CYP11A1: variants seen among roughly 807,000 people sequenced by gnomAD.
CYP11A1 encodes the protein cytochrome P450 family 11 subfamily A member 1.
CYP11A1 carries 25 observed loss-of-function variants against 51.9 expected under a neutral mutation model. That is an observed-to-expected ratio of 0.48 (90% CI 0.35 to 0.67). The LOEUF (loss-of-function observed/expected upper bound fraction) is 0.67. Among genes scored for constraint, CYP11A1 ranks in the 30% least tolerant of loss-of-function variants. CYP11A1 has a pLI of 0.00. For synonymous variants in CYP11A1, 245 were observed against 262.1 expected (o/e 0.93, Z 0.63); for missense variants, 578 against 680.9 (o/e 0.85, Z 1.68).
At position 74,367,427 on chromosome 15, in the gene CYP11A1, A is replaced by G. The variant is rs1046047588; in HGVS notation, c.159T>C (p.Ser53=). 33 of 1,614,224 alleles carry G rather than the reference A, an allele frequency of 2.0e-5. No individual in the cohort carries two copies. The highest frequency in any genetic ancestry group is 2.8e-5 in the Non-Finnish European group (33 of 1,180,040). The change falls in exon 1 of 9, where the codon TCT becomes TCC. Residue 53 remains serine (S), a synonymous_variant. Transcript: ENST00000268053. ...RSPRPFNEIP[S]PGDNGWLNLY... The stretch of plus-strand genomic sequence containing the variant: ...GGTTTAGCCAGCCATTGTCACCAGG[A>G]GAGGGGATCTCATTGAAGGGGCGAG...
chr15:74,352,879 CT>C (rs946004611), intron 1 of CYP11A1, among the ~76,000 whole-genome samples: 1 of 152,156 alleles, frequency 6.6e-6, no homozygotes, highest in African/African-American at 2.4e-5. Flanking sequence ...TTTAGGTAAA[CT>C]TTTTGTGTAA....
Position 74,348,283 on chromosome 15 carries a change from T to G in CYP11A1, c.270-228A>C, listed in dbSNP as rs938533214. 3.2e-5 allele frequency: 18 copies of G among 569,298 alleles called. No homozygotes were observed. The African/African-American group carries it at 3.2e-4, about 10-fold the overall frequency. The allele number at this position is 569,298 out of a possible 1,614,324, so 35.3% of individuals were successfully genotyped here. ...CAATAGGAAGTATATGGATGTGACC[T>G]TTGTTAAACATTCTACAAGTGAGAG... On this transcript the variant is annotated intron_variant, in intron 1 of 8. Coordinates refer to ENST00000268053, the MANE Select transcript of CYP11A1 (RefSeq NM_000781.3).
In CYP11A1 at chr15:74,339,297, C is replaced by T; in HGVS notation, c.1176G>A (p.Val392=). The T allele has an allele frequency of 6.2e-7, 1 of 1,614,196 alleles. No individual in the cohort carries two copies. The highest frequency in any genetic ancestry group is 8.5e-7 in the Non-Finnish European group (1 of 1,180,022). The change falls in exon 7 of 9, where the codon GTG becomes GTA. Residue 392 remains valine, a synonymous_variant. Coordinates refer to ENST00000268053, the MANE Select transcript of CYP11A1 (RefSeq NM_000781.3). ...KETLRLHPIS[V]TLQRYLVNDL... ...CATTTACAAGATATCTCTGCAGGGT[C>T]ACGGAGATGGGGTGAAGTCTGCGGG...
At chr15:74,338,311 T>C in intron 8 of CYP11A1, 1 of 711,008 alleles carries the variant, frequency 1.4e-6, no homozygotes, top group Non-Finnish European at 2.4e-6. Context: ...CCTTAACTTG[T>C]CTACAAACCT....
rs769476903 is a variant in CYP11A1, at chr15:74,339,637, C to T, written c.1107G>A (p.Thr369=). 33 of 1,614,056 alleles carry T rather than the reference C, an allele frequency of 2.0e-5. No individual in the cohort carries two copies. Among genetic ancestry groups the T allele is most frequent in the South Asian group, 5.5e-5 (5 of 91,092 alleles). ...ARHQAQGDMA[T]MLQLVPLLKA... ...TGAGGAGGGGGACCAGCTGTAGCAT[C>T]GTGGCCATGTCTCCCTGGGCCTGGT... Residue 369 remains threonine, a synonymous_variant, in exon 6 of 9, where the codon ACG becomes ACA. Coordinates refer to ENST00000268053, the MANE Select transcript of CYP11A1 (RefSeq NM_000781.3).
In CYP11A1 at chr15:74,339,224, T is replaced by C; in HGVS notation, c.1236+13A>G. On this transcript the variant is annotated intron_variant, in intron 7 of 8. Coordinates refer to ENST00000268053, the MANE Select transcript of CYP11A1 (RefSeq NM_000781.3). ...CTGACTGGCAGAGCCTGCAGCCTGC[T>C]GGCTGCACCTACCTTGGCAGGAATC... The C allele has an allele frequency of 5.0e-6, 8 of 1,599,708 alleles. No homozygotes were observed. The highest frequency in any genetic ancestry group is 6.9e-6 in the Non-Finnish European group (8 of 1,166,764).
In CYP11A1 at chr15:74,337,836, C is replaced by G; in HGVS notation, c.*136G>C. On this transcript the variant is annotated 3_prime_UTR_variant, in exon 9 of 9. Coordinates refer to ENST00000268053, the MANE Select transcript of CYP11A1 (RefSeq NM_000781.3). The stretch of plus-strand genomic sequence containing the variant: ...CCAGCTGAGCTGAGGAAGGTGACCA[C>G]TGAGAACCCATTCAACCTGCTGAGC... 3 of 1,185,332 alleles carry G rather than the reference C, an allele frequency of 2.5e-6. No individual in the cohort carries two copies. The highest frequency in any genetic ancestry group is 3.7e-6 in the Non-Finnish European group (3 of 817,078). 73.4% of individuals were successfully genotyped at this position (1,185,332 alleles called of 1,614,324 possible).
Position 74,345,306 on chromosome 15 carries a change from G to T in CYP11A1, c.426-63C>A. The T allele has an allele frequency of 1.3e-6, 2 of 1,582,126 alleles. No homozygotes were observed. Among genetic ancestry groups the T allele is most frequent in the Non-Finnish European group, 8.7e-7 (1 of 1,153,132 alleles). On this transcript the variant is annotated intron_variant, in intron 2 of 8. Coordinates refer to ENST00000268053, the MANE Select transcript of CYP11A1 (RefSeq NM_000781.3). This position sits in a 1 kb window ranked among gnomAD's most constrained non-coding sequence, Gnocchi z 4.3. ...GACCCCAGGCCTGGTGAACACAGAG[G>T]GGGCTGACTCAGTTTTCCCAGGAAG...
In CYP11A1 at chr15:74,367,300, C is replaced by T; in HGVS notation, c.269+17G>A. On this transcript the variant is annotated intron_variant, in intron 1 of 8. Coordinates refer to ENST00000268053, the MANE Select transcript of CYP11A1 (RefSeq NM_000781.3). ...CTCCTCCCTGTCCCTTCGGCTCCCA[C>T]CCTCTGCCAGGCTTACCTGTAAATC... 1 of 1,614,144 alleles carries T rather than the reference C, an allele frequency of 6.2e-7. No homozygotes were observed. Among genetic ancestry groups the T allele is most frequent in the Non-Finnish European group, 8.5e-7 (1 of 1,180,016 alleles).
rs1238632066 is a variant in CYP11A1 at position 74,348,019 on chromosome 15, G to T, written c.306C>A (p.Ile102=). ...AGAGAAGGGCCACATCTTCAGGGTC[G>T]ATGACATAAACCGACTCCACGTTGC... is the stretch of plus-strand genomic sequence containing the variant. ...KLGNVESVYV[I]DPEDVALLFK... Residue 102 remains isoleucine (I), a synonymous_variant, in exon 2 of 9, where the codon ATC becomes ATA. Coordinates refer to ENST00000268053, the MANE Select transcript of CYP11A1 (RefSeq NM_000781.3). 1.2e-6 allele frequency: 2 copies of T among 1,614,176 alleles called. No individual in the cohort carries two copies.
Position 74,341,614 on chromosome 15 carries a change from C to A in CYP11A1, c.990+1363G>T, listed in dbSNP as rs1426600249. ...CAGCTTTGTCAGTGGCAGGTGCTTGCCTCTGTCACTGCAGTGTGCTATTCC... is the reference window on the plus strand; with the variant it reads ...CAGCTTTGTCAGTGGCAGGTGCTTGACTCTGTCACTGCAGTGTGCTATTCC... On this transcript the variant is annotated intron_variant, in intron 5 of 8. Transcript: ENST00000268053. Among the ~76,000 whole-genome samples the A allele has an allele frequency of 3.3e-5, 5 of 152,290 alleles. No homozygotes were observed. In the East Asian group the frequency reaches 9.6e-4, roughly 29 times the overall value.
Position 74,345,392 on chromosome 15 carries a change from G to A in CYP11A1, c.426-149C>T. The A allele has an allele frequency of 2.6e-6, 2 of 769,472 alleles. No homozygotes were observed. The highest frequency in any genetic ancestry group is 4.5e-6 in the Non-Finnish European group (2 of 447,844). 47.7% of individuals were successfully genotyped at this position (769,472 alleles called of 1,614,324 possible). The stretch of plus-strand genomic sequence containing the variant: ...AGGGCCTCTGCCCTCACCTCTCCGA[G>A]CACCCTCTGCCTCTCACCTCCTCCC... On this transcript the variant is annotated intron_variant, in intron 2 of 8. Transcript: ENST00000268053. The surrounding 1 kb of genome is among the most constrained non-coding windows in gnomAD (Gnocchi z 4.3).
intron 1 of CYP11A1, chr15:74,354,686 G>A (rs2060670744): frequency 1.9e-5 from 3 of 155,416 alleles, no homozygotes; most frequent in Non-Finnish European, 4.2e-5. Context: ...TTTAAACCCG[G>A]TAAGCAGCCT....
chr15:74,346,796 TTTTC>T (rs1360510421), intron 2 of CYP11A1, among the ~76,000 whole-genome samples: 3 of 149,514 alleles, frequency 2.0e-5, no homozygotes, highest in South Asian at 2.1e-4. Context: ...TTACCTTTTC[TTTTC>T]TTTTTTTTTT....
chr15:74,339,513 C>A, intron 6 of CYP11A1, 74 bp downstream of exon 6: 1 of 1,580,128 alleles, frequency 6.3e-7, no homozygotes, highest in South Asian at 1.1e-5. Context: ...ATCCTCGTAA[C>A]CCTTTCCCCG....
chr15:74,360,926 T>C (rs2060705529), intron 1 of CYP11A1, among the ~76,000 whole-genome samples: 1 of 152,198 alleles, frequency 6.6e-6, no homozygotes, highest in South Asian at 2.1e-4. Context: ...TTTGCCATTA[T>C]AACATGCAAT....
intron 1 of CYP11A1, chr15:74,362,029 C>G (rs915654759): frequency 4.0e-6 from 6 of 1,504,300 alleles, no homozygotes; most frequent in Non-Finnish European, 5.5e-6. Flanking sequence ...CCATTGCTGA[C>G]TGTGGACAAC....
rs551176186 is a variant in CYP11A1 at position 74,367,481 on chromosome 15, G to T, written c.105C>A (p.Gly35=). The T allele has an allele frequency of 1.2e-6, 2 of 1,614,216 alleles. No homozygotes were observed. The highest frequency in any genetic ancestry group is 1.7e-6 in the Non-Finnish European group (2 of 1,180,036). ...TGCGGGTGGAGATGCCAGCTCCCTC[G>T]CCAGTGGGCACCCTGAGACGCCCCA... ...EGLGRLRVPT[G]EGAGISTRSP... Residue 35 remains glycine (G), a synonymous_variant, in exon 1 of 9, where the codon GGC becomes GGA. Transcript: ENST00000268053.
chr15:74,367,469 G>T lies in CYP11A1; in HGVS notation c.117C>A (p.Gly39=). The change falls in exon 1 of 9, where the codon GGC becomes GGA. Residue 39 remains glycine, a synonymous_variant. Coordinates refer to ENST00000268053, the MANE Select transcript of CYP11A1 (RefSeq NM_000781.3). ...RLRVPTGEGA[G]ISTRSPRPFN... ...AGGGGCGAGGACTGCGGGTGGAGAT[G>T]CCAGCTCCCTCGCCAGTGGGCACCC... 1 of 1,614,234 alleles carries T rather than the reference G, an allele frequency of 6.2e-7. No individual in the cohort carries two copies. Among genetic ancestry groups the T allele is most frequent in the Non-Finnish European group, 8.5e-7 (1 of 1,180,042 alleles).
Sources: allele counts gnomAD v4.1 joint callset (sites outside exome capture counted in the v4.1 genomes callset), GRCh38; gene constraint gnomAD v4.1.1; non-coding constraint Gnocchi (gnomAD v3.1); transcripts MANE v1.5; gene names NCBI Gene and HGNC (gene_info 2026-07-23, HGNC 2026-07-21).